The following NALCN variants were observed in gnomAD, a reference collection of about 807,000 sequenced individuals.
NALCN encodes sodium leak channel NALCN.
In NALCN, 111 loss-of-function variants were observed where a neutral mutation model predicts 225.3. That is an observed-to-expected ratio of 0.49 (90% CI 0.42 to 0.58). NALCN has a LOEUF of 0.58. Among genes scored for constraint, NALCN ranks in the 20% least tolerant of loss-of-function variants. NALCN has a pLI of 0.00. For synonymous variants in NALCN, 764 were observed against 769.0 expected (o/e 0.99, Z 0.11); for missense variants, 1,378 against 2,202.4 (o/e 0.63, Z 7.49).
intron 13 of NALCN, among the ~76,000 whole-genome samples, chr13:101,214,638 C>T (rs1257724824): frequency 6.6e-6 from 1 of 151,942 alleles, no homozygotes; most frequent in Non-Finnish European, 1.5e-5. Context: ...CTCCAGGGAC[C>T]AAAAGCTAAG....
chr13:101,210,189 C>T (rs1379092721), intron 13 of NALCN, among the ~76,000 whole-genome samples: 1 of 152,170 alleles, frequency 6.6e-6, no homozygotes, highest in Non-Finnish European at 1.5e-5. Flanking sequence ...TCCCCACCCC[C>T]ATCTGCATGC....
intron 6 of NALCN, among the ~76,000 whole-genome samples, chr13:101,361,897 G>T (rs55792261): frequency 0.049 from 7,369 of 151,670 alleles, 603 homozygotes; most frequent in African/African-American, 0.17. Flanking sequence ...GTTTTCTTTT[G>T]GTATACTGAA....
intron 18 of NALCN, 86 bp downstream of exon 18, chr13:101,124,522 A>T: frequency 8.7e-7 from 1 of 1,149,574 alleles, no homozygotes; most frequent in South Asian, 1.3e-5. Flanking sequence ...GATGCCCAGA[A>T]CATTAATTCA....
At chr13:101,155,613 T>C (rs969924) in intron 15 of NALCN, among the ~76,000 whole-genome samples, 48,387 of 152,084 alleles carry the variant, frequency 0.32, 7,949 homozygotes, top group East Asian at 0.45. Context: ...GCCAGGTTTC[T>C]GCATTATAAA....
At chr13:101,346,081 CTCTCTCTATA>C (rs1215058788) in intron 6 of NALCN, among the ~76,000 whole-genome samples, 32 of 88,776 alleles carry the variant, frequency 3.6e-4, no homozygotes, top group Non-Finnish European at 5.3e-4. Context: ...CTCTCTCTCT[CTCTCTCTATA>C]TATATATATA....
intron 13 of NALCN, among the ~76,000 whole-genome samples, chr13:101,193,580 G>A (rs189615192): frequency 2.8e-4 from 43 of 152,286 alleles, no homozygotes; most frequent in Middle Eastern, 6.8e-3. Context: ...TTTTGTTCAT[G>A]AAAATATGAA....
intron 15 of NALCN, among the ~76,000 whole-genome samples, chr13:101,150,293 AC>A (rs2037582709): frequency 1.3e-5 from 2 of 152,216 alleles, no homozygotes; most frequent in Admixed American, 1.3e-4. Flanking sequence ...CTTCTAAGGC[AC>A]AGTCAATATT....
At chr13:101,149,109 C>A (rs572195668) in intron 15 of NALCN, among the ~76,000 whole-genome samples, 1 of 152,068 alleles carries the variant, frequency 6.6e-6, no homozygotes. Context: ...CTGGCTAACA[C>A]GGTGAAACCC....
intron 13 of NALCN, among the ~76,000 whole-genome samples, chr13:101,224,242 CTCT>C (rs1478016494): frequency 1.3e-5 from 2 of 152,244 alleles, no homozygotes; most frequent in East Asian, 3.9e-4. Flanking sequence ...CTGCTTATGT[CTCT>C]TTCTCTCCCA....
At chr13:101,167,722 C>A (rs896809483) in intron 15 of NALCN, among the ~76,000 whole-genome samples, 3 of 88,934 alleles carry the variant, frequency 3.4e-5, no homozygotes, top group African/African-American at 9.5e-5. Context: ...CCTGTAATCC[C>A]AGCTACTTGG....
chr13:101,147,531 CA>C (rs1191595678), intron 15 of NALCN, among the ~76,000 whole-genome samples: 1 of 151,514 alleles, frequency 6.6e-6, no homozygotes, highest in African/African-American at 2.4e-5. Flanking sequence ...AACAAACAAA[CA>C]AAAAAACTTT....
intron 12 of NALCN, among the ~76,000 whole-genome samples, chr13:101,231,997 C>CT (rs35977237): frequency 0.24 from 33,605 of 139,452 alleles, 4,131 homozygotes; most frequent in East Asian, 0.37. Flanking sequence ...TGTTCTATTT[C>CT]TTTTTTTTTT....
intron 2 of NALCN, among the ~76,000 whole-genome samples, chr13:101,397,094 A>T (rs1246552885): frequency 1.4e-5 from 1 of 69,052 alleles, no homozygotes; most frequent in African/African-American, 1.2e-4. Context: ...ATATATATAT[A>T]TATATATATA....
At chr13:101,387,173 A>G (rs1359098512) in intron 3 of NALCN, among the ~76,000 whole-genome samples, 1 of 133,788 alleles carries the variant, frequency 7.5e-6, no homozygotes, top group Non-Finnish European at 1.6e-5. Context: ...GTGAGCCGAG[A>G]TTGCGCCACT....
At chr13:101,339,989 C>T (rs139678804) in intron 7 of NALCN, among the ~76,000 whole-genome samples, 1,688 of 152,118 alleles carry the variant, frequency 0.011, 32 homozygotes, top group African/African-American at 0.038. Flanking sequence ...CGTGCCCCGG[C>T]GGGTACAGTG....
chr13:101,307,830 T>C (rs2139128316), intron 7 of NALCN, among the ~76,000 whole-genome samples: 1 of 152,304 alleles, frequency 6.6e-6, no homozygotes, highest in African/African-American at 2.4e-5. Context: ...GTAAAGATAG[T>C]TTTAAATATT....
intron 7 of NALCN, among the ~76,000 whole-genome samples, chr13:101,303,207 G>A (rs1312246462): frequency 1.3e-5 from 2 of 152,122 alleles, no homozygotes; most frequent in African/African-American, 4.8e-5. Context: ...AGTCAAAAAA[G>A]CTTCGTTTTG....
rs557271402 is a variant in NALCN, at chr13:101,308,449, G to T, written c.800-16083C>A. 2.6e-5 allele frequency among the ~76,000 whole-genome samples: 4 copies of T among 152,324 alleles called. No individual in the cohort carries two copies. The East Asian group carries it at 5.8e-4, about 22-fold the overall frequency. ...GAGAGTAAGTGTTGAGTTTGGCAGA[G>T]ATGCCACAGAGGCCTGCACTTTGGG... On this transcript the variant is annotated intron_variant, in intron 7 of 43. Transcript: ENST00000251127.
intron 19 of NALCN, 142 bp downstream of exon 19, chr13:101,110,982 TA>T: frequency 1.2e-6 from 1 of 826,586 alleles, no homozygotes; most frequent in Non-Finnish European, 1.9e-6. Context: ...TTCATTATTG[TA>T]ACAAACAGCA....
Sources: allele counts gnomAD v4.1 joint callset (sites outside exome capture counted in the v4.1 genomes callset), GRCh38; gene constraint gnomAD v4.1.1; transcripts MANE v1.5; gene names NCBI Gene and HGNC (gene_info 2026-07-23, HGNC 2026-07-21).